Variants in NRXN1 observed in about 807,000 individuals in gnomAD.
NRXN1 encodes the protein neurexin-1.
NRXN1 carries 39 observed loss-of-function variants against 150.9 expected under a neutral mutation model. The ratio of observed to expected loss-of-function variants is 0.26; its 90% CI spans 0.20 to 0.34. NRXN1 has a LOEUF of 0.34. NRXN1 is among the 10% of genes least tolerant of loss of function. The pLI, the probability that NRXN1 is intolerant of heterozygous loss-of-function variation, is 1.00. For synonymous variants in NRXN1, 924 were observed against 757.0 expected (o/e 1.22, Z -3.62); for missense variants, 1,815 against 1,949.9 (o/e 0.93, Z 1.30).
chr2:50,869,225 T>A (rs1381321473), intron 5 of NRXN1, among the ~76,000 whole-genome samples: 1 of 151,808 alleles, frequency 6.6e-6, no homozygotes, highest in African/African-American at 2.4e-5. Flanking sequence ...CATTGGTCCT[T>A]TCTTCTGGAA....
chr2:49,964,885 G>T (rs916983246), intron 21 of NRXN1, among the ~76,000 whole-genome samples: 1 of 152,034 alleles, frequency 6.6e-6, no homozygotes, highest in Admixed American at 6.6e-5. Flanking sequence ...AAATGTAAAA[G>T]TTCTTTATTT....
chr2:50,473,419 T>TTACCATATC (rs2089703698), intron 15 of NRXN1, among the ~76,000 whole-genome samples: 1 of 151,990 alleles, frequency 6.6e-6, no homozygotes, highest in Non-Finnish European at 1.5e-5. Flanking sequence ...TTCAGATTAT[T>TTACCATATC]TACCATATCT....
intron 17 of NRXN1, among the ~76,000 whole-genome samples, chr2:50,378,704 C>A (rs569520793): frequency 1.3e-5 from 2 of 152,186 alleles, no homozygotes; most frequent in South Asian, 2.1e-4. Flanking sequence ...GCAATAAATG[C>A]AGATGGCTCA....
intron 17 of NRXN1, among the ~76,000 whole-genome samples, chr2:50,378,396 A>G (rs1191881870): frequency 2.0e-5 from 3 of 152,180 alleles, no homozygotes; most frequent in Non-Finnish European, 2.9e-5. Flanking sequence ...ATGGAACACA[A>G]TAGCTTAGCC....
chr2:50,691,208 T>C (rs1251887651), intron 5 of NRXN1, among the ~76,000 whole-genome samples: 1 of 152,178 alleles, frequency 6.6e-6, no homozygotes, highest in East Asian at 1.9e-4. Flanking sequence ...AAGTAAAATT[T>C]CTTAGCTTAA....
intron 17 of NRXN1, among the ~76,000 whole-genome samples, chr2:50,416,804 A>C (rs905097429): frequency 6.6e-6 from 1 of 152,106 alleles, no homozygotes; most frequent in African/African-American, 2.4e-5. Flanking sequence ...TACCACCCCC[A>C]TTATTCAATT....
chr2:50,009,107 A>G (rs866873116), intron 21 of NRXN1, among the ~76,000 whole-genome samples: 7 of 152,174 alleles, frequency 4.6e-5, no homozygotes, highest in Middle Eastern at 3.2e-3. Flanking sequence ...GCCTCCTTGG[A>G]GCATTTTTAC....
At chr2:50,266,002 ATTT>A (rs747310591) in intron 17 of NRXN1, among the ~76,000 whole-genome samples, 2,732 of 84,678 alleles carry the variant, frequency 0.032, 101 homozygotes, top group African/African-American at 0.1. Context: ...ATTATTATTT[ATTT>A]TTTTTTTTTT....
At chr2:50,578,539 G>T (rs1671775107) in intron 8 of NRXN1, among the ~76,000 whole-genome samples, 1 of 151,964 alleles carries the variant, frequency 6.6e-6, no homozygotes, top group African/African-American at 2.4e-5. Context: ...CACAACCAGG[G>T]TATTTACATA....
At chr2:50,369,510 T>C (rs1462056589) in intron 17 of NRXN1, among the ~76,000 whole-genome samples, 1 of 152,024 alleles carries the variant, frequency 6.6e-6, no homozygotes. Flanking sequence ...CCAAATAATT[T>C]ATAATGTGAT....
intron 5 of NRXN1, among the ~76,000 whole-genome samples, chr2:50,906,542 G>C (rs1483550148): frequency 6.6e-6 from 1 of 152,054 alleles, no homozygotes; most frequent in Non-Finnish European, 1.5e-5. Context: ...TTGCTATGCT[G>C]TTTTCTTATC....
chr2:50,336,417 A>T (rs932657441), intron 17 of NRXN1, among the ~76,000 whole-genome samples: 2 of 152,240 alleles, frequency 1.3e-5, no homozygotes, highest in African/African-American at 4.8e-5. Flanking sequence ...TGATTTTTAA[A>T]ATCTTCAAGG....
At position 50,563,013 on chromosome 2, in the gene NRXN1, C is replaced by T. The variant is rs116227146; in HGVS notation, c.1321-9988G>A. Among the ~76,000 whole-genome samples the T allele has an allele frequency of 4.0e-3, 608 of 151,774 alleles. 4 individuals are homozygous for T. Among genetic ancestry groups the T allele is most frequent in the Middle Eastern group, 0.014 (4 of 294 alleles). ...CGCACGTTTTTTCCTTATGAAGATC[C>T]GTTAATAAATTACCAAAAGATATAA... On this transcript the variant is annotated intron_variant, in intron 8 of 22. Coordinates refer to ENST00000401669, the MANE Select transcript of NRXN1 (RefSeq NM_001330078.2).
Position 50,129,241 on chromosome 2 carries a change from C to T in NRXN1, c.3547-37747G>A, listed in dbSNP as rs140773595. Among the ~76,000 whole-genome samples the T allele has an allele frequency of 3.6e-3, 547 of 151,880 alleles. 4 individuals carry two copies. Among genetic ancestry groups the T allele is most frequent in the African/African-American group, 0.012 (514 of 41,462 alleles). ...TATAACTGATGCAAAACTGGAGGAACGCAAAGTCAGCTTTCTTTGATCAAA... is the reference window on the plus strand; with the variant it reads ...TATAACTGATGCAAAACTGGAGGAATGCAAAGTCAGCTTTCTTTGATCAAA... On this transcript the variant is annotated intron_variant, in intron 18 of 22. Transcript: ENST00000401669.
At chr2:50,756,358 G>T (rs1701155746) in intron 5 of NRXN1, among the ~76,000 whole-genome samples, 1 of 151,204 alleles carries the variant, frequency 6.6e-6, no homozygotes, top group Non-Finnish European at 1.5e-5. Context: ...TGCCAACATA[G>T]AAATTATGTT....
intron 17 of NRXN1, among the ~76,000 whole-genome samples, chr2:50,410,387 T>C (rs2083062256): frequency 6.6e-6 from 1 of 152,228 alleles, no homozygotes; most frequent in Non-Finnish European, 1.5e-5. Flanking sequence ...CTACCACCTA[T>C]GATGAGCTAC....
intron 17 of NRXN1, among the ~76,000 whole-genome samples, chr2:50,329,660 TATATATATATA>T (rs2076686622): frequency 8.5e-5 from 2 of 23,490 alleles, no homozygotes; most frequent in African/African-American, 4.5e-4. Context: ...TATATATATA[TATATATATATA>T]TATTTTTTTT....
chr2:50,411,689 G>C (rs1222773034), intron 17 of NRXN1, among the ~76,000 whole-genome samples: 1 of 106,042 alleles, frequency 9.4e-6, no homozygotes, highest in Non-Finnish European at 1.8e-5. Context: ...GCCCTGTCTG[G>C]GAGGTGGGGG....
intron 21 of NRXN1, among the ~76,000 whole-genome samples, chr2:49,952,152 A>C (rs1011338847): frequency 6.6e-6 from 1 of 152,012 alleles, no homozygotes; most frequent in South Asian, 2.1e-4. Flanking sequence ...ATGTTTTTCT[A>C]TTATCCCAGA....
Sources: allele counts gnomAD v4.1 joint callset (sites outside exome capture counted in the v4.1 genomes callset), GRCh38; gene constraint gnomAD v4.1.1; transcripts MANE v1.5; gene names NCBI Gene and HGNC (gene_info 2026-07-23, HGNC 2026-07-21).